SYN3: variants seen among roughly 807,000 people sequenced by gnomAD.
SYN3 encodes synapsin III.
In SYN3, 35 loss-of-function variants were observed where a neutral mutation model predicts 65.8. The observed-to-expected ratio is 0.53, with a 90% CI of 0.41 to 0.70. The LOEUF (loss-of-function observed/expected upper bound fraction) is 0.70, where lower values mean the gene tolerates loss of function less well. Among genes scored for constraint, SYN3 ranks in the 30% least tolerant of loss-of-function variants. The probability of loss-of-function intolerance (pLI) is 0.00; values close to 1 mark genes in which losing one functional copy is unlikely to be tolerated. For missense variants in SYN3, 680 were observed against 749.0 expected, an observed-to-expected ratio of 0.91 and a Z score of 1.08; for synonymous variants, 270 against 292.9, an observed-to-expected ratio of 0.92 and a Z score of 0.80.
chr22:33,018,845 A>G (rs972872949), intron 1 of SYN3, among the ~76,000 whole-genome samples: 1 of 152,140 alleles, frequency 6.6e-6, no homozygotes, highest in East Asian at 1.9e-4. Flanking sequence ...TGAGACCTGA[A>G]CCTAAGTCTC....
chr22:32,789,693 C>T (rs558749349), intron 6 of SYN3, among the ~76,000 whole-genome samples: 1 of 152,248 alleles, frequency 6.6e-6, no homozygotes, highest in Admixed American at 6.5e-5. Flanking sequence ...TAAATTTAAT[C>T]CAAAAATTTG....
intron 6 of SYN3, among the ~76,000 whole-genome samples, chr22:32,699,769 A>G (rs969789144): frequency 3.3e-5 from 5 of 152,222 alleles, no homozygotes; most frequent in African/African-American, 9.6e-5. Flanking sequence ...AGATTTGTAT[A>G]CAAGTGCATT....
chr22:32,587,918 T>C (rs1424308570), intron 7 of SYN3, among the ~76,000 whole-genome samples: 1 of 152,118 alleles, frequency 6.6e-6, no homozygotes, highest in African/African-American at 2.4e-5. Context: ...GTCACTCCCC[T>C]GAGCTCAGCC....
At chr22:32,569,557 C>CTGTATATA (rs1401047566) in intron 7 of SYN3, among the ~76,000 whole-genome samples, 3 of 76,640 alleles carry the variant, frequency 3.9e-5, no homozygotes, top group African/African-American at 1.3e-4. Context: ...CTCTCTCTCT[C>CTGTATATA]TCTCTCTCTC....
rs868479598 is a variant in SYN3, at chr22:33,027,750, T to A, written c.-162-20926A>T. Among the ~76,000 whole-genome samples, 6 of 152,012 alleles carry A rather than the reference T, an allele frequency of 3.9e-5. No individual in the cohort carries two copies. In the South Asian group the frequency reaches 1.2e-3, roughly 32 times the overall value. ...CAGGGGTTAAGTTCCTCATCCAAGA[T>A]CAAATAGTAGGTCAGTGGCAAAAGC... On this transcript the variant is annotated intron_variant, in intron 1 of 13. Coordinates refer to ENST00000358763, the MANE Select transcript of SYN3 (RefSeq NM_003490.4).
chr22:32,993,497 C>T (rs2052784782), intron 2 of SYN3, among the ~76,000 whole-genome samples: 1 of 152,170 alleles, frequency 6.6e-6, no homozygotes, highest in African/African-American at 2.4e-5. Flanking sequence ...AGCATGCCGC[C>T]ACCACGCCCT....
At chr22:32,631,648 C>T (rs1010708607) in intron 6 of SYN3, among the ~76,000 whole-genome samples, 2 of 152,162 alleles carry the variant, frequency 1.3e-5, no homozygotes, top group African/African-American at 2.4e-5. Flanking sequence ...AATAATTACA[C>T]CTTTTATTGA....
At chr22:32,768,862 T>C (rs765444998) in intron 6 of SYN3, among the ~76,000 whole-genome samples, 9 of 152,208 alleles carry the variant, frequency 5.9e-5, no homozygotes, top group Admixed American at 1.3e-4. Flanking sequence ...TCAAATTTCA[T>C]TGAAAACATT....
chr22:32,790,063 A>G (rs1432974124), intron 6 of SYN3, among the ~76,000 whole-genome samples: 1 of 152,254 alleles, frequency 6.6e-6, no homozygotes, highest in Non-Finnish European at 1.5e-5. Flanking sequence ...GAGGCACAAG[A>G]ATGTTAAGTT....
chr22:32,804,895 C>T (rs1025968876), intron 6 of SYN3, among the ~76,000 whole-genome samples: 3 of 152,162 alleles, frequency 2.0e-5, no homozygotes, highest in African/African-American at 7.2e-5. Flanking sequence ...AACCTTGACT[C>T]TAGAAGAGGA....
chr22:32,918,748 A>C (rs1321049783), intron 4 of SYN3, among the ~76,000 whole-genome samples: 1 of 152,224 alleles, frequency 6.6e-6, no homozygotes, highest in Non-Finnish European at 1.5e-5. Flanking sequence ...AAGGAGAACT[A>C]GCAAGCGCCG....
At chr22:33,028,691 ATGGTGGTGGTGG>A (rs1170552905) in intron 1 of SYN3, among the ~76,000 whole-genome samples, 17 of 43,122 alleles carry the variant, frequency 3.9e-4, no homozygotes, top group African/African-American at 1.2e-3. Flanking sequence ...GGTGGTGGTG[ATGGTGGTGGTGG>A]TGGTGGTGGT....
At chr22:32,916,213 C>T (rs894730689) in intron 4 of SYN3, among the ~76,000 whole-genome samples, 1 of 152,228 alleles carries the variant, frequency 6.6e-6, no homozygotes, top group Non-Finnish European at 1.5e-5. Flanking sequence ...AAGCTGAATG[C>T]AGTCAAGTGA....
intron 6 of SYN3, among the ~76,000 whole-genome samples, chr22:32,676,826 A>G (rs2060453340): frequency 1.3e-5 from 2 of 151,860 alleles, no homozygotes; most frequent in Non-Finnish European, 2.9e-5. Context: ...TACAGGCGTG[A>G]GCCACTGTGC....
At chr22:33,026,151 C>T (rs934373764) in intron 1 of SYN3, among the ~76,000 whole-genome samples, 1 of 152,176 alleles carries the variant, frequency 6.6e-6, no homozygotes, top group African/African-American at 2.4e-5. Context: ...AAATCCCTTT[C>T]ATTCATGCCA....
At chr22:33,028,670 G>GTGGTGGTGGTGATGGTGGTGGTGA (rs2053685602) in intron 1 of SYN3, among the ~76,000 whole-genome samples, 1 of 118,030 alleles carries the variant, frequency 8.5e-6, no homozygotes, top group South Asian at 2.5e-4. Flanking sequence ...GGTGGTGGTG[G>GTGGTGGTGGTGATGGTGGTGGTGA]TGGTGGTGGT....
chr22:32,869,008 G>A lies in SYN3; in HGVS notation c.579C>T (p.Asn193=). ...AGAAGTTGTAGACGGAGTAGAGAGA[G>A]TTGACAGCAGGCAGCCCTCCATACT... is the stretch of plus-strand genomic sequence containing the variant. ...GLQYGGLPAV[N]SLYSVYNFCS... is the part of the protein sequence containing the mutation. Residue 193 remains asparagine, a synonymous_variant, in exon 5 of 14, where the codon AAC becomes AAT. Transcript: ENST00000358763. The A allele has an allele frequency of 1.2e-6, 2 of 1,614,134 alleles. No individual in the cohort carries two copies. Among genetic ancestry groups the A allele is most frequent in the Non-Finnish European group, 1.7e-6 (2 of 1,180,014 alleles).
chr22:32,900,897 T>G (rs925039567), intron 4 of SYN3, among the ~76,000 whole-genome samples: 36 of 152,242 alleles, frequency 2.4e-4, no homozygotes, highest in African/African-American at 8.7e-4. Context: ...CTGCCCCTTG[T>G]CCATTAGACT....
rs114184473 is a variant in SYN3, at chr22:32,832,267, C to G, written c.711+32648G>C. ...AACAGGAAGCACGTGACAACTTGGACCACTACAACGAAGAGAAAGTGGAAC... is the reference window on the plus strand; with the variant it reads ...AACAGGAAGCACGTGACAACTTGGAGCACTACAACGAAGAGAAAGTGGAAC... On this transcript the variant is annotated intron_variant, in intron 6 of 13. Transcript: ENST00000358763. Among the ~76,000 whole-genome samples the G allele has an allele frequency of 3.6e-3, 547 of 152,098 alleles. 2 individuals are homozygous for G. The highest frequency in any genetic ancestry group is 0.012 in the African/African-American group (513 of 41,514).
Sources: gnomAD v4.1 joint callset for allele counts (sites outside exome capture counted in the v4.1 genomes callset) on GRCh38, gnomAD v4.1.1 for gene constraint, MANE v1.5 for transcripts, NCBI Gene and HGNC (gene_info 2026-07-23, HGNC 2026-07-21) for gene names.